PCM1: variants seen among roughly 807,000 people sequenced by gnomAD.
The protein encoded by PCM1 is pericentriolar material 1.
Under a neutral mutation model 241.9 loss-of-function variants are expected in PCM1, and 157 were observed. The observed-to-expected ratio is 0.65, with a 90% CI of 0.57 to 0.74. The LOEUF (loss-of-function observed/expected upper bound fraction) is 0.74, where lower values mean the gene tolerates loss of function less well. Among genes scored for constraint, PCM1 ranks in the 30% least tolerant of loss-of-function variants. The pLI is 0.00. For synonymous variants in PCM1, 1,085 were observed against 784.9 expected (o/e 1.38, Z -6.39); for missense variants, 3,478 against 2,360.1 (o/e 1.47, Z -9.81).
chr8:17,966,815 A>G (rs1379802067), intron 20 of PCM1, among the ~76,000 whole-genome samples, 165 bp from the exon 21 acceptor site: 1 of 152,246 alleles, frequency 6.6e-6, no homozygotes, highest in Admixed American at 6.5e-5. Context: ...TCCAGAGGGA[A>G]AGTTATTGAA....
Position 17,939,838 on chromosome 8 carries a change from A to G in PCM1, c.760A>G (p.Met254Val). Residue 254 changes from methionine to valine, a missense_variant, in exon 6 of 39, where the codon ATG becomes GTG. Met to Val is a conservative substitution (Grantham distance 21, BLOSUM62 1). Transcript: ENST00000325083. Reference protein sequence around the residue: ...DHLKEQEKSYMKFLKKILARD... With the variant: ...DHLKEQEKSYVKFLKKILARD... ...CCTTAAAGAACAAGAGAAGTCATAT[A>G]TGAAATTTCTTAAAAAAATCCTTGT... 6.6e-7 allele frequency: 1 copy of G among 1,509,466 alleles called. No homozygotes were observed. Among genetic ancestry groups the G allele is most frequent in the Admixed American group, 2.1e-5 (1 of 46,996 alleles). The allele number at this position is 1,509,466 out of a possible 1,614,324, so 93.5% of individuals were successfully genotyped here.
rs415321 is a variant in PCM1 at position 17,993,257 on chromosome 8, C to G, written c.4691-226C>G. On this transcript the variant is annotated intron_variant, in intron 28 of 38. Coordinates refer to ENST00000325083, the MANE Select transcript of PCM1 (RefSeq NM_006197.4). Reference sequence around the variant, plus strand: ...TTGAAGGTATATTTTTTATTGATTACAAGTAATAATAATTCTATGTAAAAA... The same window carrying G: ...TTGAAGGTATATTTTTTATTGATTAGAAGTAATAATAATTCTATGTAAAAA... 0.76 allele frequency among the ~76,000 whole-genome samples: 116,168 copies of G among 151,950 alleles called. 44,858 individuals are homozygous for G. The highest frequency in any genetic ancestry group is 0.8 in the Middle Eastern group (236 of 294).
intron 13 of PCM1, among the ~76,000 whole-genome samples, chr8:17,958,018 T>C (rs893565510): frequency 6.6e-6 from 1 of 152,194 alleles, no homozygotes; most frequent in Non-Finnish European, 1.5e-5. Context: ...AATTTCACAA[T>C]GCAAAAGCAG....
chr8:17,980,792 T>G, intron 24 of PCM1, 37 bp downstream of exon 24: 2 of 1,492,710 alleles, frequency 1.3e-6, no homozygotes, highest in Non-Finnish European at 1.8e-6. Flanking sequence ...TATAAGGAGG[T>G]TTTCAGCTTA....
At chr8:17,929,056 A>T (rs1483115237) in intron 2 of PCM1, among the ~76,000 whole-genome samples, 1 of 152,098 alleles carries the variant, frequency 6.6e-6, no homozygotes, top group Non-Finnish European at 1.5e-5. Context: ...ATATTAGCTA[A>T]TGACTTTCTT....
chr8:17,978,091 C>A lies in PCM1; in HGVS notation c.3944-2500C>A, dbSNP rs151022815. ...TAAGCAGATTGAATTATAACAAATT[C>A]TTTAGAGCTAGAAAAAAATGACATT... On this transcript the variant is annotated intron_variant, in intron 23 of 38. Transcript: ENST00000325083. Among the ~76,000 whole-genome samples, 242 of 152,044 alleles carry A rather than the reference C, an allele frequency of 1.6e-3. 2 individuals are homozygous for A. Among genetic ancestry groups the A allele is most frequent in the South Asian group, 4.0e-3 (19 of 4,802 alleles).
rs570027312 is a variant in PCM1, at chr8:17,924,743, G to C, written c.-60G>C. 6.6e-6 allele frequency: 1 copy of C among 152,220 alleles called. No homozygotes were observed. Among genetic ancestry groups the C allele is most frequent in the East Asian group, 1.9e-4 (1 of 5,186 alleles). The allele number at this position is 152,220 out of a possible 1,614,324, so 9.4% of individuals were successfully genotyped here. A position where few individuals can be genotyped will look rare whatever the true frequency, so the allele number is the denominator to read the frequency against. Reference sequence around the variant, plus strand: ...AGCTTTGAAGTGTGGAGCGGGAAAGGAGCAGTTTCTGAGCTGCAAAAACTA... The same window carrying C: ...AGCTTTGAAGTGTGGAGCGGGAAAGCAGCAGTTTCTGAGCTGCAAAAACTA... On this transcript the variant is annotated 5_prime_UTR_variant, in exon 2 of 39. Coordinates refer to ENST00000325083, the MANE Select transcript of PCM1 (RefSeq NM_006197.4).
chr8:17,967,643 G>A (rs117596131), intron 21 of PCM1, among the ~76,000 whole-genome samples: 2,549 of 152,222 alleles, frequency 0.017, 40 homozygotes, highest in South Asian at 0.042. Flanking sequence ...TTAATAATAC[G>A]GTTGCTAATG....
intron 2 of PCM1, among the ~76,000 whole-genome samples, chr8:17,931,925 A>G (rs1224809829): frequency 4.6e-5 from 7 of 152,176 alleles, no homozygotes; most frequent in Non-Finnish European, 8.8e-5. Context: ...AAAATATGAG[A>G]CAGAAAAAAA....
At chr8:18,019,983 A>C (rs1257106121) in intron 36 of PCM1, among the ~76,000 whole-genome samples, 2 of 152,200 alleles carry the variant, frequency 1.3e-5, no homozygotes, top group Admixed American at 6.5e-5. Context: ...GGGATACTGC[A>C]GATCTTGAGT....
chr8:17,964,785 T>C lies in PCM1; in HGVS notation c.2855+17T>C. ...TAAAAATAGGTTAGTTTCAGTATTTTAATTTTGTGCTTAATTTAAGAGGCT... is the reference window on the plus strand; with the variant it reads ...TAAAAATAGGTTAGTTTCAGTATTTCAATTTTGTGCTTAATTTAAGAGGCT... On this transcript the variant is annotated intron_variant, in intron 18 of 38. Coordinates refer to ENST00000325083, the MANE Select transcript of PCM1 (RefSeq NM_006197.4). The C allele has an allele frequency of 4.4e-6, 7 of 1,589,732 alleles. No individual in the cohort carries two copies. The highest frequency in any genetic ancestry group is 6.0e-6 in the Non-Finnish European group (7 of 1,158,256).
chr8:17,961,952 G>A (rs1043923549), intron 15 of PCM1, 82 bp from the exon 16 acceptor site: 18 of 1,233,974 alleles, frequency 1.5e-5, no homozygotes, highest in Middle Eastern at 3.8e-4. Flanking sequence ...GAGCCTTAGT[G>A]CCATATTTAA....
At chr8:17,929,926 G>A (rs539850408) in intron 2 of PCM1, among the ~76,000 whole-genome samples, 17 of 152,072 alleles carry the variant, frequency 1.1e-4, no homozygotes, top group Non-Finnish European at 2.4e-4. Context: ...TCAAAATAAC[G>A]TACTTTACTC....
chr8:17,949,439 A>G (rs2065151637), intron 7 of PCM1, among the ~76,000 whole-genome samples: 1 of 152,130 alleles, frequency 6.6e-6, no homozygotes, highest in African/African-American at 2.4e-5. Context: ...CTCAGTGGAA[A>G]AAAGGTAGTG....
intron 2 of PCM1, among the ~76,000 whole-genome samples, chr8:17,932,556 C>G (rs963722313): frequency 7.3e-5 from 11 of 151,316 alleles, no homozygotes; most frequent in Non-Finnish European, 1.6e-4. Flanking sequence ...GCTTATATTT[C>G]TCCGGTTTTA....
At chr8:18,010,720 C>G in intron 32 of PCM1, 52 bp downstream of exon 32, 2 of 1,326,522 alleles carry the variant, frequency 1.5e-6, no homozygotes, top group Admixed American at 2.1e-5. Context: ...CGGTGGCTCA[C>G]CCCCGTAATC....
rs1292257505 is a variant in PCM1, at chr8:17,961,981, A to G, written c.2323-53A>G. The G allele has an allele frequency of 5.9e-6, 9 of 1,522,836 alleles. No individual in the cohort carries two copies. In the South Asian group the frequency reaches 6.1e-5, roughly 10 times the overall value. The allele number at this position is 1,522,836 out of a possible 1,614,324, so 94.3% of individuals were successfully genotyped here. ...TATTTAAAGTAACTGCTTTTATGAA[A>G]TTAATATAATTGCTTTAATTCCTCA... On this transcript the variant is annotated intron_variant, in intron 15 of 38. Coordinates refer to ENST00000325083, the MANE Select transcript of PCM1 (RefSeq NM_006197.4).
At chr8:17,944,269 G>T (rs2063101250) in intron 6 of PCM1, among the ~76,000 whole-genome samples, 1 of 152,174 alleles carries the variant, frequency 6.6e-6, no homozygotes, top group Non-Finnish European at 1.5e-5. Flanking sequence ...GGAGCAGATA[G>T]TATGACGTAA....
chr8:17,941,297 A>G (rs920648580), intron 6 of PCM1, among the ~76,000 whole-genome samples: 1 of 152,170 alleles, frequency 6.6e-6, no homozygotes, highest in Admixed American at 6.6e-5. Context: ...TAATTTATAT[A>G]AAGTATTCAT....
Sources: allele counts gnomAD v4.1 joint callset (sites outside exome capture counted in the v4.1 genomes callset), GRCh38; gene constraint gnomAD v4.1.1; transcripts MANE v1.5; gene names NCBI Gene and HGNC (gene_info 2026-07-23, HGNC 2026-07-21).